The following CSMD1 variants were observed in gnomAD, a reference collection of about 807,000 sequenced individuals.
CSMD1 encodes the protein CUB and Sushi multiple domains 1.
Under a neutral mutation model 417.5 loss-of-function variants are expected in CSMD1, and 213 were observed. The observed-to-expected ratio is 0.51, with a 90% CI of 0.46 to 0.57. The LOEUF (loss-of-function observed/expected upper bound fraction) is 0.57. Ranked by LOEUF, CSMD1 falls within the 20% of genes least tolerant of loss-of-function variation. The pLI is 0.00. For synonymous variants in CSMD1, 2,862 were observed against 1,736.8 expected, an observed-to-expected ratio of 1.65 and a Z score of -16.11; for missense variants, 6,923 against 4,529.7, an observed-to-expected ratio of 1.53 and a Z score of -15.17.
chr8:4,130,159 A>G (rs1803010006), intron 3 of CSMD1, among the ~76,000 whole-genome samples: 1 of 152,062 alleles, frequency 6.6e-6, no homozygotes, highest in Non-Finnish European at 1.5e-5. Flanking sequence ...ACTGAAAAAG[A>G]CCCAACATCT....
intron 2 of CSMD1, among the ~76,000 whole-genome samples, chr8:4,569,128 G>T (rs1046823261): frequency 6.6e-6 from 1 of 152,122 alleles, no homozygotes; most frequent in African/African-American, 2.4e-5. Context: ...TGTTTGCTGT[G>T]CAGAAGCTCT....
At chr8:3,227,395 C>T (rs931378084) in intron 27 of CSMD1, among the ~76,000 whole-genome samples, 1 of 152,048 alleles carries the variant, frequency 6.6e-6, no homozygotes, top group Non-Finnish European at 1.5e-5. Flanking sequence ...GAGACTCTAC[C>T]TCAAAAACAA....
chr8:4,791,958 T>C (rs930944749), intron 1 of CSMD1, among the ~76,000 whole-genome samples: 14 of 151,728 alleles, frequency 9.2e-5, no homozygotes, highest in African/African-American at 3.2e-4. Flanking sequence ...TTTTTTTAAA[T>C]ACAAGATTGT....
At chr8:3,052,819 T>G (rs1811955376) in intron 49 of CSMD1, among the ~76,000 whole-genome samples, 172 bp from the exon 50 acceptor site, 1 of 150,368 alleles carries the variant, frequency 6.7e-6, no homozygotes, top group African/African-American at 2.5e-5. Flanking sequence ...TTTTGTGCTG[T>G]CTCCCAGGCT....
At chr8:4,381,767 GT>G (rs1287153952) in intron 3 of CSMD1, among the ~76,000 whole-genome samples, 1 of 152,074 alleles carries the variant, frequency 6.6e-6, no homozygotes, top group East Asian at 1.9e-4. Flanking sequence ...TTTTGTTTTT[GT>G]TTTTTTCCTT....
chr8:3,905,972 C>A (rs1318703912), intron 5 of CSMD1, among the ~76,000 whole-genome samples: 1 of 152,160 alleles, frequency 6.6e-6, no homozygotes. Context: ...TTTTATCAAA[C>A]CTGTTCTTTT....
intron 5 of CSMD1, among the ~76,000 whole-genome samples, chr8:3,981,727 A>C (rs1022622853): frequency 3.9e-5 from 6 of 152,112 alleles, no homozygotes; most frequent in African/African-American, 1.4e-4. Flanking sequence ...CTTCAGTCCT[A>C]CATTTAATAA....
chr8:4,051,732 G>C (rs1329650697), intron 3 of CSMD1, among the ~76,000 whole-genome samples: 4 of 152,286 alleles, frequency 2.6e-5, no homozygotes, highest in South Asian at 2.1e-4. Context: ...AGGGATTAAA[G>C]AAAGGCAAAG....
At chr8:3,985,529 C>T (rs1274998813) in intron 5 of CSMD1, among the ~76,000 whole-genome samples, 1 of 152,104 alleles carries the variant, frequency 6.6e-6, no homozygotes, top group Non-Finnish European at 1.5e-5. Flanking sequence ...ATACAACGAA[C>T]ACATCATTTT....
chr8:3,315,284 A>T (rs991204183), intron 23 of CSMD1, among the ~76,000 whole-genome samples: 4 of 152,232 alleles, frequency 2.6e-5, no homozygotes, highest in African/African-American at 9.6e-5. Context: ...TTCAAAGGTA[A>T]TTGGTTAAAT....
chr8:3,964,986 C>G (rs952371667), intron 5 of CSMD1, among the ~76,000 whole-genome samples: 6 of 152,140 alleles, frequency 3.9e-5, no homozygotes, highest in African/African-American at 1.4e-4. Context: ...AGCAAACTCT[C>G]TAGGCCACGG....
intron 25 of CSMD1, among the ~76,000 whole-genome samples, chr8:3,295,419 C>T (rs1390704556): frequency 2.6e-5 from 4 of 152,130 alleles, no homozygotes; most frequent in Non-Finnish European, 5.9e-5. Context: ...AGCCACTGAG[C>T]CCAGCCTCAA....
At chr8:3,716,974 C>G (rs1801876683) in intron 6 of CSMD1, among the ~76,000 whole-genome samples, 1 of 151,788 alleles carries the variant, frequency 6.6e-6, no homozygotes, top group Non-Finnish European at 1.5e-5. Flanking sequence ...CAATCATTTA[C>G]AAAAAAATAA....
At chr8:4,558,874 A>C (rs568855743) in intron 2 of CSMD1, among the ~76,000 whole-genome samples, 8 of 152,098 alleles carry the variant, frequency 5.3e-5, no homozygotes, top group Non-Finnish European at 1.2e-4. Flanking sequence ...TCTCAAAATA[A>C]ATAAATAAAT....
intron 3 of CSMD1, among the ~76,000 whole-genome samples, chr8:4,093,176 TAA>T (rs1585298354): frequency 6.6e-6 from 1 of 152,218 alleles, no homozygotes; most frequent in Non-Finnish European, 1.5e-5. Flanking sequence ...CAGTAACAAG[TAA>T]ACAGAAAATT....
At chr8:4,233,000 G>A (rs188309078) in intron 3 of CSMD1, among the ~76,000 whole-genome samples, 111 of 152,262 alleles carry the variant, frequency 7.3e-4, no homozygotes, top group African/African-American at 2.3e-3. Flanking sequence ...GAGGATAGAC[G>A]TGGTGTCATG....
intron 3 of CSMD1, among the ~76,000 whole-genome samples, chr8:4,151,797 GA>G (rs1306008590): frequency 1.3e-5 from 2 of 152,148 alleles, no homozygotes; most frequent in Non-Finnish European, 2.9e-5. Flanking sequence ...TATTTTATAT[GA>G]AAAATAATTG....
chr8:4,447,835 A>C (rs375920894), intron 2 of CSMD1, among the ~76,000 whole-genome samples: 2 of 152,216 alleles, frequency 1.3e-5, no homozygotes, highest in African/African-American at 4.8e-5. Flanking sequence ...TCAAAGATTT[A>C]AGTGATAAAC....
intron 18 of CSMD1, among the ~76,000 whole-genome samples, chr8:3,374,523 T>C (rs1374067806): frequency 6.6e-6 from 1 of 152,196 alleles, no homozygotes; most frequent in Non-Finnish European, 1.5e-5. Context: ...ATTAAGTTGC[T>C]CTCTAAACTC....
Sources: gnomAD v4.1 joint callset for allele counts (sites outside exome capture counted in the v4.1 genomes callset) on GRCh38, gnomAD v4.1.1 for gene constraint, MANE v1.5 for transcripts, NCBI Gene and HGNC (gene_info 2026-07-23, HGNC 2026-07-21) for gene names.